Variants in FMN2 observed in about 807,000 individuals in gnomAD.
FMN2 encodes formin-2.
FMN2 carries 51 observed loss-of-function variants against 142.3 expected under a neutral mutation model. That is an observed-to-expected ratio of 0.36 (90% CI 0.29 to 0.45). FMN2 has a LOEUF of 0.45. Among genes scored for constraint, FMN2 ranks in the 20% least tolerant of loss-of-function variants. FMN2 has a pLI of 1.00. For missense variants in FMN2, 1,936 were observed against 2,122.8 expected, an observed-to-expected ratio of 0.91 and a Z score of 1.73; for synonymous variants, 882 against 869.8, an observed-to-expected ratio of 1.01 and a Z score of -0.25.
intron 8 of FMN2, among the ~76,000 whole-genome samples, chr1:240,325,519 G>A (rs1671143631): frequency 6.7e-6 from 1 of 149,502 alleles, no homozygotes; most frequent in Admixed American, 6.7e-5. Context: ...TTCATTATTT[G>A]CAGATTCTAT....
At chr1:240,401,631 G>C (rs1673993191) in intron 15 of FMN2, among the ~76,000 whole-genome samples, 1 of 152,200 alleles carries the variant, frequency 6.6e-6, no homozygotes, top group Non-Finnish European at 1.5e-5. Flanking sequence ...AAATGGTTGA[G>C]AGTTATTTAC....
At chr1:240,216,754 CCT>C (rs1265247424) in intron 6 of FMN2, among the ~76,000 whole-genome samples, 1 of 152,112 alleles carries the variant, frequency 6.6e-6, no homozygotes, top group Non-Finnish European at 1.5e-5. Flanking sequence ...TTGAGACCAG[CCT>C]GACAACATGG....
intron 1 of FMN2, among the ~76,000 whole-genome samples, chr1:240,121,196 ACT>A (rs1285331207): frequency 7.3e-5 from 11 of 151,592 alleles, no homozygotes; most frequent in Non-Finnish European, 1.6e-4. Context: ...TATAGCTATG[ACT>A]CTGCACTCTC....
At chr1:240,094,421 T>C (rs1430036620) in intron 1 of FMN2, among the ~76,000 whole-genome samples, 1 of 152,228 alleles carries the variant, frequency 6.6e-6, no homozygotes, top group African/African-American at 2.4e-5. Flanking sequence ...GCCTGTAGTT[T>C]GGAGACAGTG....
intron 4 of FMN2, among the ~76,000 whole-genome samples, chr1:240,191,985 G>A (rs1665716884): frequency 6.6e-6 from 1 of 152,150 alleles, no homozygotes; most frequent in Non-Finnish European, 1.5e-5. Context: ...ACAATAAAAA[G>A]GAATTAGACG....
intron 3 of FMN2, among the ~76,000 whole-genome samples, chr1:240,184,506 G>A (rs1218744668): frequency 2.0e-5 from 3 of 147,130 alleles, no homozygotes; most frequent in Admixed American, 2.0e-4. Flanking sequence ...GTGAGCCATT[G>A]CGCCCGGCCT....
chr1:240,180,212 T>G, intron 3 of FMN2: 1 of 1,266,834 alleles, frequency 7.9e-7, no homozygotes, highest in South Asian at 1.3e-5. Flanking sequence ...TGACTTATTT[T>G]TCTCTTGTTG....
intron 2 of FMN2, among the ~76,000 whole-genome samples, chr1:240,164,661 A>T (rs989725062): frequency 1.3e-5 from 2 of 152,216 alleles, no homozygotes; most frequent in Non-Finnish European, 2.9e-5. Flanking sequence ...ACTATCTTCT[A>T]GCTTTCAATG....
intron 7 of FMN2, among the ~76,000 whole-genome samples, chr1:240,265,367 TAAC>T (rs1452881685): frequency 6.6e-6 from 1 of 152,182 alleles, no homozygotes; most frequent in Non-Finnish European, 1.5e-5. Flanking sequence ...ATATGCCACA[TAAC>T]AACATTTTGG....
chr1:240,126,151 A>G (rs1337643125), intron 2 of FMN2, among the ~76,000 whole-genome samples: 1 of 152,220 alleles, frequency 6.6e-6, no homozygotes, highest in Non-Finnish European at 1.5e-5. Flanking sequence ...CGATATAATG[A>G]TACAGGGGGT....
chr1:240,465,898 C>T (rs978663481), intron 16 of FMN2, among the ~76,000 whole-genome samples: 1 of 152,188 alleles, frequency 6.6e-6, no homozygotes, highest in African/African-American at 2.4e-5. Flanking sequence ...GTGTATCTCC[C>T]TTCTTCATCT....
chr1:240,331,694 T>A lies in FMN2; in HGVS notation c.4584+945T>A, dbSNP rs541072315. Among the ~76,000 whole-genome samples, 3 of 152,290 alleles carry A rather than the reference T, an allele frequency of 2.0e-5. No homozygotes were observed. The East Asian group carries it at 5.8e-4, about 29-fold the overall frequency. ...TGCTTCTCAACATAAAATGGAGTTA[T>A]GGCCTGATAAACCCATCCTAAGTTG... On this transcript the variant is annotated intron_variant, in intron 11 of 17. Transcript: ENST00000319653.
At chr1:240,444,440 G>A (rs777905781) in intron 16 of FMN2, among the ~76,000 whole-genome samples, 23 of 152,094 alleles carry the variant, frequency 1.5e-4, no homozygotes, top group Non-Finnish European at 2.9e-4. Flanking sequence ...TGTGTATTGT[G>A]GCCTATCATT....
At position 240,329,086 on chromosome 1, in the gene FMN2, C is replaced by T. The variant is rs1671293838; in HGVS notation, c.4226C>T (p.Ser1409Leu). 1 of 1,613,902 alleles carries T rather than the reference C, an allele frequency of 6.2e-7. No homozygotes were observed. Among genetic ancestry groups the T allele is most frequent in the Admixed American group, 1.7e-5 (1 of 60,008 alleles). Residue 1409 changes from serine to leucine, a missense_variant, in exon 9 of 18, where the codon TCA becomes TTA. Transcript: ENST00000319653. ...LQALYENRAQ[S>L]DELEKIEKHG... ...TTTTTGTTTTTCTAGAGAGCACAGT[C>T]AGACGAACTCGAAAAAATAGAAAAG...
At chr1:240,186,128 G>C (rs112572020) in intron 3 of FMN2, among the ~76,000 whole-genome samples, 1,937 of 152,238 alleles carry the variant, frequency 0.013, 41 homozygotes, top group African/African-American at 0.044. Context: ...TTCTCAGTGA[G>C]TTTTGTTTTA....
intron 15 of FMN2, among the ~76,000 whole-genome samples, chr1:240,422,774 G>A (rs191903639): frequency 2.6e-3 from 390 of 151,878 alleles, no homozygotes; most frequent in Non-Finnish European, 4.9e-3. Flanking sequence ...ACAAATATAC[G>A]CTGACTATAA....
chr1:240,256,976 A>T (rs904328297), intron 6 of FMN2, among the ~76,000 whole-genome samples: 2 of 152,228 alleles, frequency 1.3e-5, no homozygotes, highest in African/African-American at 4.8e-5. Flanking sequence ...AAGGGAAGAC[A>T]GGGTACAAAG....
chr1:240,252,635 C>CGG (rs201145011), intron 6 of FMN2, among the ~76,000 whole-genome samples: 37 of 147,982 alleles, frequency 2.5e-4, no homozygotes, highest in Admixed American at 5.4e-4. Flanking sequence ...GTTATTCTGA[C>CGG]GGGGGGGGTG....
chr1:240,367,496 G>A lies in FMN2; in HGVS notation c.4858+11588G>A, dbSNP rs560092922. On this transcript the variant is annotated intron_variant, in intron 14 of 17. Transcript: ENST00000319653. ...CCTTATTTAAGAAATCCGGCGGGGG[G>A]CAGTGGCTCACGCCTGTAATCCCAG... 1.3e-4 allele frequency among the ~76,000 whole-genome samples: 20 copies of A among 152,112 alleles called. 1 individual carries two copies. In the South Asian group the frequency reaches 2.9e-3, roughly 22 times the overall value.
Sources: allele counts gnomAD v4.1 joint callset (sites outside exome capture counted in the v4.1 genomes callset), GRCh38; gene constraint gnomAD v4.1.1; transcripts MANE v1.5; gene names NCBI Gene and HGNC (gene_info 2026-07-23, HGNC 2026-07-21).